SLC16A7: variants seen among roughly 807,000 people sequenced by gnomAD.
SLC16A7 encodes the protein solute carrier family 16 member 7.
A neutral mutation model predicts 34.9 loss-of-function variants in SLC16A7; 33 were observed. The ratio of observed to expected loss-of-function variants is 0.94; its 90% CI spans 0.72 to 1.26. The LOEUF is 1.26. SLC16A7 is among the 50% of genes most tolerant of loss of function. The probability of loss-of-function intolerance (pLI) is 0.00; values close to 1 mark genes in which losing one functional copy is unlikely to be tolerated. For missense variants in SLC16A7, 573 were observed against 578.1 expected, an observed-to-expected ratio of 0.99 and a Z score of 0.09; for synonymous variants, 201 against 206.6, an observed-to-expected ratio of 0.97 and a Z score of 0.23.
At chr12:59,775,578 T>C in intron 5 of SLC16A7, 103 bp downstream of exon 5, 1 of 796,100 alleles carries the variant, frequency 1.3e-6, no homozygotes, top group Admixed American at 2.8e-5. Context: ...ATAATACTAA[T>C]AGCCTGAAGG....
intron 5 of SLC16A7, among the ~76,000 whole-genome samples, chr12:59,777,246 T>G (rs939211112): frequency 2.6e-5 from 4 of 152,220 alleles, no homozygotes; most frequent in Non-Finnish European, 5.9e-5. Flanking sequence ...GTTGAAACTC[T>G]CAGACTGTAG....
chr12:59,766,572 G>A lies in SLC16A7; in HGVS notation c.218-4647G>A, dbSNP rs1021300359. Among the ~76,000 whole-genome samples the A allele has an allele frequency of 8.5e-5, 13 of 152,236 alleles. 1 individual carries two copies. The highest frequency in any genetic ancestry group is 6.2e-4 in the South Asian group (3 of 4,820). On this transcript the variant is annotated intron_variant, in intron 3 of 5. Transcript: ENST00000547379. Reference sequence around the variant, plus strand: ...TTGAATTTTGTCAAAGGCCTTTTCTGCATCTATTGAGATAATCATGTGGTT... The same window carrying A: ...TTGAATTTTGTCAAAGGCCTTTTCTACATCTATTGAGATAATCATGTGGTT...
At chr12:59,664,789 G>A (rs1869058508) in intron 2 of SLC16A7, 1 of 152,074 alleles carries the variant, frequency 6.6e-6, no homozygotes, top group South Asian at 2.1e-4. Context: ...AACTAACTTT[G>A]CCCTATTTGA....
At position 59,788,651 on chromosome 12, in the gene SLC16A7, C is replaced by T. The variant is rs1020524656; in HGVS notation, c.*8972C>T. On this transcript the variant is annotated 3_prime_UTR_variant, in exon 6 of 6. Coordinates refer to ENST00000547379, the MANE Select transcript of SLC16A7 (RefSeq NM_001270623.2). ...AACCTTCTTTTTTTGCCTTCTTACA[C>T]ATGAATGTACTTAAAGTATTGTTAT... 2 of 151,872 alleles carry T rather than the reference C, an allele frequency of 1.3e-5. No homozygotes were observed. Among genetic ancestry groups the T allele is most frequent in the Admixed American group, 6.6e-5 (1 of 15,238 alleles). The allele number at this position is 151,872 out of a possible 1,614,324, so 9.4% of individuals were successfully genotyped here. A position where few individuals can be genotyped will look rare whatever the true frequency, so the allele number is the denominator to read the frequency against.
chr12:59,672,950 A>G (rs1870011164), intron 2 of SLC16A7, among the ~76,000 whole-genome samples: 1 of 152,170 alleles, frequency 6.6e-6, no homozygotes, highest in Non-Finnish European at 1.5e-5. Flanking sequence ...ATAGTAGTCC[A>G]AGGACTTTAA....
At chr12:59,698,693 G>T (rs1426118151) in intron 2 of SLC16A7, among the ~76,000 whole-genome samples, 1 of 151,740 alleles carries the variant, frequency 6.6e-6, no homozygotes, top group Non-Finnish European at 1.5e-5. Flanking sequence ...GAACATCAGT[G>T]TCAAAATTTA....
rs1883749585 is a variant in SLC16A7 at position 59,788,123 on chromosome 12, A to C, written c.*8444A>C. 1 of 152,096 alleles carries C rather than the reference A, an allele frequency of 6.6e-6. No homozygotes were observed. Among genetic ancestry groups the C allele is most frequent in the Non-Finnish European group, 1.5e-5 (1 of 68,024 alleles). The allele number at this position is 152,096 out of a possible 1,614,324, so 9.4% of individuals were successfully genotyped here. A position where few individuals can be genotyped will look rare whatever the true frequency, so the allele number is the denominator to read the frequency against. ...AAATTGTTTTACTTACTACTTACAT[A>C]CTTTGAACAAATATGTTTTTCTAAT... On this transcript the variant is annotated 3_prime_UTR_variant, in exon 6 of 6. Transcript: ENST00000547379.
At chr12:59,646,283 A>G (rs1006084985) in intron 1 of SLC16A7, among the ~76,000 whole-genome samples, 1 of 152,140 alleles carries the variant, frequency 6.6e-6, no homozygotes, top group Admixed American at 6.5e-5. Flanking sequence ...GGCTGGGCCC[A>G]GGGCCCCCCT....
At chr12:59,744,688 G>T (rs180907527) in intron 3 of SLC16A7, among the ~76,000 whole-genome samples, 1 of 152,126 alleles carries the variant, frequency 6.6e-6, no homozygotes, top group Non-Finnish European at 1.5e-5. Flanking sequence ...TACTTAAGCC[G>T]TCTGTGGACG....
chr12:59,601,986 G>A (rs895276088), intron 1 of SLC16A7, among the ~76,000 whole-genome samples: 7 of 152,076 alleles, frequency 4.6e-5, no homozygotes, highest in Non-Finnish European at 1.0e-4. Context: ...ATAAGTCAGT[G>A]GCTTTCCCTT....
At chr12:59,710,416 G>A (rs1321535797) in intron 3 of SLC16A7, among the ~76,000 whole-genome samples, 2 of 152,178 alleles carry the variant, frequency 1.3e-5, no homozygotes, top group Non-Finnish European at 2.9e-5. Flanking sequence ...TGAAATCTGT[G>A]TGTCTCTTCC....
At chr12:59,668,728 T>G (rs189997633) in intron 2 of SLC16A7, among the ~76,000 whole-genome samples, 2 of 152,314 alleles carry the variant, frequency 1.3e-5, no homozygotes, top group Admixed American at 1.3e-4. Flanking sequence ...GAAAACGACA[T>G]GAAATTTGGA....
intron 3 of SLC16A7, among the ~76,000 whole-genome samples, chr12:59,757,507 C>G (rs578188065): frequency 1.3e-5 from 2 of 152,196 alleles, no homozygotes; most frequent in East Asian, 1.9e-4. Flanking sequence ...ATGACTTGCA[C>G]TCTTCTATGA....
At chr12:59,686,995 T>C (rs1050391747) in intron 2 of SLC16A7, among the ~76,000 whole-genome samples, 1 of 152,080 alleles carries the variant, frequency 6.6e-6, no homozygotes, top group Admixed American at 6.6e-5. Context: ...TACCTTGATG[T>C]AGTCATTTCA....
rs965479024 is a variant in SLC16A7, at chr12:59,628,657, C to T, written c.-129-26495C>T. On this transcript the variant is annotated intron_variant, in intron 1 of 5. Transcript: ENST00000547379. Reference sequence around the variant, plus strand: ...TATTCTTTGTGTGTGTGTAAGTGTGCGTGTGTGTGTGCATGTGCGTGTGTG... The same window carrying T: ...TATTCTTTGTGTGTGTGTAAGTGTGTGTGTGTGTGTGCATGTGCGTGTGTG... Among the ~76,000 whole-genome samples, 22 of 151,136 alleles carry T rather than the reference C, an allele frequency of 1.5e-4. No homozygotes were observed. The South Asian group carries it at 3.3e-3, about 23-fold the overall frequency.
At chr12:59,680,587 T>A (rs1029069305) in intron 2 of SLC16A7, among the ~76,000 whole-genome samples, 1 of 152,198 alleles carries the variant, frequency 6.6e-6, no homozygotes, top group Non-Finnish European at 1.5e-5. Flanking sequence ...GAATGATTAA[T>A]GTCTATTATA....
chr12:59,762,083 G>T (rs1881074644), intron 3 of SLC16A7, among the ~76,000 whole-genome samples: 1 of 152,052 alleles, frequency 6.6e-6, no homozygotes, highest in Non-Finnish European at 1.5e-5. Context: ...GAATTGTTCT[G>T]TAATGTAATC....
At position 59,719,903 on chromosome 12, in the gene SLC16A7, A is replaced by G. The variant is rs12315372; in HGVS notation, c.217+14885A>G. Reference sequence around the variant, plus strand: ...TAGACAATTTTCCGTGGTCCACTGGAAAGTTGGCATTTATCAGTGGTGGAA... The same window carrying G: ...TAGACAATTTTCCGTGGTCCACTGGGAAGTTGGCATTTATCAGTGGTGGAA... On this transcript the variant is annotated intron_variant, in intron 3 of 5. Transcript: ENST00000547379. The G allele has an allele frequency of 6.3e-3, 3,300 of 522,026 alleles. 66 individuals carry two copies. Among genetic ancestry groups the G allele is most frequent in the African/African-American group, 0.057 (2,866 of 49,976 alleles). 32.3% of individuals were successfully genotyped at this position (522,026 alleles called of 1,614,324 possible). A position where few individuals can be genotyped will look rare whatever the true frequency, so the allele number is the denominator to read the frequency against.
chr12:59,774,568 C>A, intron 4 of SLC16A7, 89 bp from the exon 5 acceptor site: 1 of 745,112 alleles, frequency 1.3e-6, no homozygotes, highest in Non-Finnish European at 2.2e-6. Context: ...CTGCCTTTCC[C>A]ACTTGAATGT....
Sources: allele counts gnomAD v4.1 joint callset (sites outside exome capture counted in the v4.1 genomes callset), GRCh38; gene constraint gnomAD v4.1.1; transcripts MANE v1.5; gene names NCBI Gene and HGNC (gene_info 2026-07-23, HGNC 2026-07-21).